SUV39H1: variants seen among roughly 807,000 people sequenced by gnomAD.
The protein encoded by SUV39H1 is SUV39H1 histone lysine methyltransferase, also known as histone-lysine N-methyltransferase SUV39H1.
For missense variants in SUV39H1, 180 were observed against 386.3 expected (o/e 0.47, Z 4.48); for synonymous variants, 141 against 150.5 (o/e 0.94, Z 0.46).
At chrX:48,695,959 AT>A, upstream of SUV39H1, 1 of 1,089,871 alleles carries the variant, frequency 9.2e-7, no homozygotes, top group Non-Finnish European at 1.2e-6. Context: ...CGTGGTGTGA[AT>A]GAGAAGTAAT....
chrX:48,696,254 T>G (rs1307166447), upstream of SUV39H1, among the ~76,000 whole-genome samples: 1 of 112,270 alleles, frequency 8.9e-6, no homozygotes, highest in African/African-American at 3.2e-5. Context: ...GAGTCGCCGC[T>G]GGCCAGGGCA....
chrX:48,707,528 A>G lies in SUV39H1; in HGVS notation c.1197A>G (p.Glu399=). The change falls in exon 6 of 6, where the codon GAA becomes GAG. Residue 399 remains glutamate, a synonymous_variant. Coordinates refer to ENST00000376687, the MANE Select transcript of SUV39H1 (RefSeq NM_003173.4). ...PGSPKKRVRI[E]CKCGTESCRK... ...CCCCTAAGAAGCGGGTCCGTATTGA[A>G]TGCAAGTGTGGGACTGAGTCCTGCC... 1 of 1,211,578 alleles carries G rather than the reference A, an allele frequency of 8.3e-7. No individual in the cohort carries two copies. The highest frequency in any genetic ancestry group is 1.1e-6 in the Non-Finnish European group (1 of 895,405).
Position 48,706,326 on chromosome X carries a change from A to G in SUV39H1, c.890A>G (p.Tyr297Cys). 8.3e-7 allele frequency: 1 copy of G among 1,211,119 alleles called. No individual in the cohort carries two copies. The highest frequency in any genetic ancestry group is 1.1e-6 in the Non-Finnish European group (1 of 895,211). ...GQIYDRQGAT[Y>C]LFDLDYVEDV... The stretch of plus-strand genomic sequence containing the variant: ...ATCTACGACCGTCAGGGCGCCACCT[A>G]CCTCTTTGACCTGGACTACGTGGAG... Residue 297 changes from tyrosine (Y) to cysteine (C), a missense_variant, in exon 4 of 6, where the codon TAC becomes TGC. Tyr to Cys is a radical substitution (Grantham distance 194). Coordinates refer to ENST00000376687, the MANE Select transcript of SUV39H1 (RefSeq NM_003173.4).
At chrX:48,700,928 TACAC>T in intron 3 of SUV39H1, 175 bp downstream of exon 3, 2 of 569,193 alleles carry the variant, frequency 3.5e-6, no homozygotes, top group Non-Finnish European at 5.9e-6. Context: ...TCCAAGCTGG[TACAC>T]ACCAGCATGG....
chrX:48,700,893 A>G, intron 3 of SUV39H1, 140 bp downstream of exon 3: 1 of 776,442 alleles, frequency 1.3e-6, no homozygotes, highest in Non-Finnish European at 1.9e-6. Flanking sequence ...TGAGTGTCAC[A>G]GGGACATTGG....
rs1388042801 is a variant in SUV39H1 at position 48,699,122 on chromosome X, C to T, written c.165+75C>T. On this transcript the variant is annotated intron_variant, in intron 2 of 5. Transcript: ENST00000376687. ...TAGTGTCCTGCCCTCTTGTCCCCAA[C>T]TGCCCACATCTGTTTCCAAAGGGAA... The T allele has an allele frequency of 4.8e-6, 5 of 1,043,276 alleles. No homozygotes were observed. In the Admixed American group the frequency reaches 1.3e-4, roughly 26 times the overall value. 86.0% of individuals were successfully genotyped at this position (1,043,276 alleles called of 1,213,427 possible). A position where few individuals can be genotyped will look rare whatever the true frequency, so the allele number is the denominator to read the frequency against.
At chrX:48,701,820 C>T (rs2062476167) in intron 3 of SUV39H1, among the ~76,000 whole-genome samples, 1 of 111,838 alleles carries the variant, frequency 8.9e-6, no homozygotes. Flanking sequence ...GGACCTTGAC[C>T]ATTTAAATCC....
chrX:48,700,840 A>G, intron 3 of SUV39H1, 87 bp downstream of exon 3: 1 of 1,069,836 alleles, frequency 9.3e-7, no homozygotes. Context: ...TGTGTGTCTG[A>G]AACTCCCTGC....
intron 1 of SUV39H1, among the ~76,000 whole-genome samples, chrX:48,697,421 C>T (rs899256604): frequency 8.9e-6 from 1 of 111,750 alleles, no homozygotes; most frequent in South Asian, 3.7e-4. Flanking sequence ...ATGGGTTCCA[C>T]AAGTGGGAGG....
At chrX:48,698,865 T>C (rs781976183) in intron 1 of SUV39H1, 37 bp from the exon 2 acceptor site, 15 of 1,192,732 alleles carry the variant, frequency 1.3e-5, no homozygotes, top group Non-Finnish European at 1.7e-5. Flanking sequence ...CTAGTCAGGC[T>C]GCCCAGTAAT....
chrX:48,706,346 G>A lies in SUV39H1; in HGVS notation c.910G>A (p.Val304Met). 1 of 1,212,071 alleles carries A rather than the reference G, an allele frequency of 8.3e-7. No homozygotes were observed. The highest frequency in any genetic ancestry group is 1.1e-6 in the Non-Finnish European group (1 of 895,516). Residue 304 changes from valine (V) to methionine (M), a missense_variant, in exon 4 of 6, where the codon GTG becomes ATG. Coordinates refer to ENST00000376687, the MANE Select transcript of SUV39H1 (RefSeq NM_003173.4). ...GATYLFDLDY[V>M]EDVYTVDAAY... is the part of the protein sequence containing the mutation. ...CACCTACCTCTTTGACCTGGACTAC[G>A]TGGAGGACGTGTACACCGTGGATGC... is the stretch of plus-strand genomic sequence containing the variant.
chrX:48,704,388 TG>T (rs1245008759), intron 3 of SUV39H1, among the ~76,000 whole-genome samples: 2 of 111,173 alleles, frequency 1.8e-5, no homozygotes, highest in East Asian at 5.7e-4. Flanking sequence ...GTGAAAAAGA[TG>T]GCTCATACCC....
At chrX:48,696,243 G>A (rs1458482985), upstream of SUV39H1, among the ~76,000 whole-genome samples, 3 of 112,348 alleles carry the variant, frequency 2.7e-5, no homozygotes, top group South Asian at 3.7e-4. Flanking sequence ...CTGCCTCCAG[G>A]GAGTCGCCGC....
Position 48,706,503 on chromosome X carries a change from C to A in SUV39H1, c.981C>A (p.Asp327Glu). The A allele has an allele frequency of 8.3e-7, 1 of 1,198,041 alleles. No homozygotes were observed. Among genetic ancestry groups the A allele is most frequent in the Non-Finnish European group, 1.1e-6 (1 of 887,518 alleles). The change falls in exon 5 of 6, where the codon GAC (aspartate) becomes GAA (glutamate). Residue 327 changes from aspartate to glutamate, a missense_variant. Coordinates refer to ENST00000376687, the MANE Select transcript of SUV39H1 (RefSeq NM_003173.4). ...NISHFVNHSC[D>E]PNLQVYNVFI... ...AACTGTTCTTTCTCGCCCAGTGTGA[C>A]CCCAACCTGCAGGTGTACAACGTCT...
At chrX:48,696,900 G>A in intron 1 of SUV39H1, 97 bp downstream of exon 1, 3 of 659,080 alleles carry the variant, frequency 4.6e-6, no homozygotes, top group South Asian at 5.4e-5. Flanking sequence ...CCGAGGCCCC[G>A]GCGCCGGGAG....
At chrX:48,700,972 T>G in intron 3 of SUV39H1, 1 of 484,113 alleles carries the variant, frequency 2.1e-6, no homozygotes, top group Non-Finnish European at 3.7e-6. Context: ...AACACCAAAA[T>G]ACTTCTGCAC....
At chrX:48,696,687 G>C (rs899139144), upstream of SUV39H1, 9 of 1,074,507 alleles carry the variant, frequency 8.4e-6, no homozygotes, top group Middle Eastern at 2.6e-4. Flanking sequence ...TGCGAGTCGG[G>C]AGCCGCGGCC....
chrX:48,702,905 C>T (rs1557009601), intron 3 of SUV39H1, among the ~76,000 whole-genome samples: 1 of 111,672 alleles, frequency 9.0e-6, no homozygotes, highest in East Asian at 2.8e-4. Context: ...CCCGCATTCC[C>T]CTCTGAAGAG....
upstream of SUV39H1, chrX:48,695,895 C>T (rs1557008473): frequency 4.3e-6 from 5 of 1,154,369 alleles, no homozygotes; most frequent in South Asian, 5.7e-5. Flanking sequence ...TTAATCCTAC[C>T]TCTAGTTGCT....
Sources: allele counts gnomAD v4.1 joint callset (sites outside exome capture counted in the v4.1 genomes callset), GRCh38; gene constraint gnomAD v4.1.1; transcripts MANE v1.5; gene names NCBI Gene and HGNC (gene_info 2026-07-23, HGNC 2026-07-21).